PARN: variants seen among roughly 807,000 people sequenced by gnomAD.
The protein encoded by PARN is poly(A)-specific ribonuclease.
Under a neutral mutation model 102.8 loss-of-function variants are expected in PARN, and 71 were observed. The ratio of observed to expected loss-of-function variants is 0.69; its 90% CI spans 0.57 to 0.84. The LOEUF is 0.84. Among genes scored for constraint, PARN ranks in the 40% least tolerant of loss-of-function variants. PARN has a pLI of 0.00. For synonymous variants in PARN, 261 were observed against 252.9 expected, an observed-to-expected ratio of 1.03 and a Z score of -0.30; for missense variants, 782 against 760.9, an observed-to-expected ratio of 1.03 and a Z score of -0.33.
chr16:14,442,520 A>G (rs1821330925), intron 23 of PARN, among the ~76,000 whole-genome samples: 1 of 152,192 alleles, frequency 6.6e-6, no homozygotes, highest in African/African-American at 2.4e-5. Context: ...TACAAGAAAA[A>G]TATTTGCTGA....
chr16:14,557,582 A>G (rs1372579425), intron 18 of PARN, among the ~76,000 whole-genome samples: 3 of 151,670 alleles, frequency 2.0e-5, no homozygotes, highest in East Asian at 3.9e-4. Context: ...AAAAAAGCCA[A>G]GCAGGGCAAA....
chr16:14,629,791 G>T, intron 1 of PARN, 117 bp from the exon 2 acceptor site: 1 of 798,692 alleles, frequency 1.3e-6, no homozygotes, highest in Non-Finnish European at 2.2e-6. Context: ...AAGTCCCGGA[G>T]GTGTGCACCG....
At chr16:14,608,771 C>T (rs887725933) in intron 8 of PARN, among the ~76,000 whole-genome samples, 1 of 152,190 alleles carries the variant, frequency 6.6e-6, no homozygotes, top group African/African-American at 2.4e-5. Context: ...ACGTATTAAG[C>T]GCGCCTCAAG....
rs1328915368 is a variant in PARN at position 14,627,346 on chromosome 16, G to A, written c.178-10C>T. 11 of 1,574,110 alleles carry A rather than the reference G, an allele frequency of 7.0e-6. No homozygotes were observed. In the Admixed American group the frequency reaches 1.5e-4, roughly 21 times the overall value. On this transcript the variant is annotated splice_polypyrimidine_tract_variant and intron_variant, in intron 3 of 23. Coordinates refer to ENST00000437198, the MANE Select transcript of PARN (RefSeq NM_002582.4). ...AAAAGTCCATGGAATGCTGGAAAAG[G>A]GAAATAAAACATCTGTCACAAAAGT...
At chr16:14,622,599 G>C (rs57369905) in intron 5 of PARN, among the ~76,000 whole-genome samples, 2 of 152,194 alleles carry the variant, frequency 1.3e-5, no homozygotes, top group East Asian at 1.9e-4. Flanking sequence ...CTGCCTCTCG[G>C]GTTCACACCA....
intron 22 of PARN, among the ~76,000 whole-genome samples, chr16:14,452,027 G>A (rs993869590): frequency 4.0e-5 from 6 of 151,886 alleles, no homozygotes; most frequent in African/African-American, 1.2e-4. Context: ...ACTCCAGCCT[G>A]GGTGACAGAG....
intron 21 of PARN, among the ~76,000 whole-genome samples, chr16:14,521,167 C>T (rs976927998): frequency 2.6e-5 from 4 of 152,206 alleles, no homozygotes; most frequent in African/African-American, 9.6e-5. Context: ...TTTGGCAAAC[C>T]TAAACATTCC....
intron 21 of PARN, among the ~76,000 whole-genome samples, chr16:14,524,957 T>C (rs72787649): frequency 0.21 from 32,656 of 152,106 alleles, 3,878 homozygotes; most frequent in Middle Eastern, 0.31. Flanking sequence ...TAGGGAGGAA[T>C]GGGGATATAA....
chr16:14,565,419 AAAAAC>A (rs79828881), intron 18 of PARN, among the ~76,000 whole-genome samples: 3 of 152,010 alleles, frequency 2.0e-5, no homozygotes, highest in Non-Finnish European at 4.4e-5. Context: ...GCAAAAAAAA[AAAAAC>A]AAAGGAAGAA....
At chr16:14,575,367 G>A (rs1969062533) in intron 18 of PARN, among the ~76,000 whole-genome samples, 1 of 152,230 alleles carries the variant, frequency 6.6e-6, no homozygotes, top group Non-Finnish European at 1.5e-5. Context: ...CAAAGCCACA[G>A]GAGCAGAGCT....
chr16:14,604,343 C>T (rs1321166367), intron 10 of PARN, 117 bp from the exon 11 acceptor site: 3 of 645,832 alleles, frequency 4.6e-6, no homozygotes, highest in Non-Finnish European at 8.1e-6. Flanking sequence ...TCACTGCAAA[C>T]TCCGCCTCCT....
At chr16:14,620,762 AGT>A (rs1972245936) in intron 5 of PARN, among the ~76,000 whole-genome samples, 1 of 152,148 alleles carries the variant, frequency 6.6e-6, no homozygotes, top group East Asian at 1.9e-4. Flanking sequence ...ACTAATCCTG[AGT>A]TCTGGATTGT....
intron 18 of PARN, among the ~76,000 whole-genome samples, chr16:14,563,476 TTGTGTGTGTGTGTGTG>T (rs56099416): frequency 4.9e-4 from 70 of 143,760 alleles, no homozygotes; most frequent in East Asian, 2.9e-3. Context: ...GAAAATTCCT[TTGTGTGTGTGTGTGTG>T]TGTGTGTGTG....
chr16:14,545,163 G>C (rs985300351), intron 21 of PARN, among the ~76,000 whole-genome samples: 2 of 152,208 alleles, frequency 1.3e-5, no homozygotes, highest in South Asian at 4.1e-4. Flanking sequence ...CTGGGTGACA[G>C]AGCCAGACTC....
intron 22 of PARN, among the ~76,000 whole-genome samples, chr16:14,474,453 G>C (rs930550430): frequency 6.6e-6 from 1 of 152,176 alleles, no homozygotes; most frequent in African/African-American, 2.4e-5. Flanking sequence ...GTTTAGAAGA[G>C]ACTGCCATTT....
chr16:14,597,796 A>G (rs887797878), intron 12 of PARN, among the ~76,000 whole-genome samples: 1 of 152,336 alleles, frequency 6.6e-6, no homozygotes, highest in Middle Eastern at 3.4e-3. Flanking sequence ...AATGTGAGAC[A>G]AATTCCAACT....
intron 19 of PARN, among the ~76,000 whole-genome samples, chr16:14,554,997 CAATA>C (rs1967573484): frequency 1.3e-5 from 2 of 152,130 alleles, no homozygotes; most frequent in Admixed American, 1.3e-4. Context: ...CTGGGAATGG[CAATA>C]TTTAGCATAC....
At chr16:14,621,144 C>T (rs1264544162) in intron 5 of PARN, among the ~76,000 whole-genome samples, 1 of 152,120 alleles carries the variant, frequency 6.6e-6, no homozygotes, top group East Asian at 1.9e-4. Flanking sequence ...TTTTTTAATC[C>T]TGTCCTGAAC....
intron 21 of PARN, among the ~76,000 whole-genome samples, chr16:14,519,256 G>T (rs984219391): frequency 1.3e-4 from 18 of 143,608 alleles, no homozygotes; most frequent in Admixed American, 1.2e-3. Context: ...AGAAAAGAGA[G>T]GGGCATGGAG....
Sources: allele counts gnomAD v4.1 joint callset (sites outside exome capture counted in the v4.1 genomes callset), GRCh38; gene constraint gnomAD v4.1.1; transcripts MANE v1.5; gene names NCBI Gene and HGNC (gene_info 2026-07-23, HGNC 2026-07-21).